The following MINDY2 variants were observed in gnomAD, a reference collection of about 807,000 sequenced individuals.
The protein encoded by MINDY2 is MINDY lysine 48 deubiquitinase 2.
A neutral mutation model predicts 68.2 loss-of-function variants in MINDY2; 52 were observed. That is an observed-to-expected ratio of 0.76 (90% CI 0.61 to 0.96). The LOEUF is 0.96. Among genes scored for constraint, MINDY2 ranks in the 40% least tolerant of loss-of-function variants. The pLI, the probability that MINDY2 is intolerant of heterozygous loss-of-function variation, is 0.00. For synonymous variants in MINDY2, 372 were observed against 303.0 expected (o/e 1.23, Z -2.36); for missense variants, 881 against 773.4 (o/e 1.14, Z -1.65).
At chr15:58,808,813 C>G (rs546509503) in intron 3 of MINDY2, among the ~76,000 whole-genome samples, 2 of 152,258 alleles carry the variant, frequency 1.3e-5, no homozygotes, top group Admixed American at 1.3e-4. Flanking sequence ...ACCCTGTTAG[C>G]CAAGATGGTC....
intron 2 of MINDY2, among the ~76,000 whole-genome samples, chr15:58,793,227 G>C (rs1410829381): frequency 1.3e-5 from 2 of 152,104 alleles, no homozygotes; most frequent in African/African-American, 4.8e-5. Context: ...GAGGTGGGTG[G>C]TTCACTGGAG....
chr15:58,848,207 T>G (rs2032631435), intron 7 of MINDY2, among the ~76,000 whole-genome samples: 1 of 152,058 alleles, frequency 6.6e-6, no homozygotes, highest in African/African-American at 2.4e-5. Context: ...AAAAATATGG[T>G]CATGTTAAAC....
chr15:58,785,135 CAAAAA>C (rs397719705), intron 1 of MINDY2, among the ~76,000 whole-genome samples: 3 of 68,468 alleles, frequency 4.4e-5, no homozygotes, highest in African/African-American at 5.8e-5. Context: ...TGAAGGAAAG[CAAAAA>C]AAAAAAAAAA....
At chr15:58,842,361 G>A (rs1401198303) in intron 6 of MINDY2, among the ~76,000 whole-genome samples, 1 of 152,108 alleles carries the variant, frequency 6.6e-6, no homozygotes, top group Non-Finnish European at 1.5e-5. Context: ...AAGTAGTTTA[G>A]AAGGAGGTAC....
At chr15:58,803,995 G>A (rs1321605438) in intron 3 of MINDY2, among the ~76,000 whole-genome samples, 1 of 150,806 alleles carries the variant, frequency 6.6e-6, no homozygotes, top group Non-Finnish European at 1.5e-5. Flanking sequence ...AGGCGTGGTG[G>A]CAGGCGCCTG....
chr15:58,819,449 A>G (rs2030917630), intron 4 of MINDY2, among the ~76,000 whole-genome samples: 1 of 152,176 alleles, frequency 6.6e-6, no homozygotes, highest in South Asian at 2.1e-4. Flanking sequence ...CCCAGATCAC[A>G]CCACTGCACT....
chr15:58,786,383 T>G (rs1330860190), intron 1 of MINDY2, among the ~76,000 whole-genome samples: 1 of 152,218 alleles, frequency 6.6e-6, no homozygotes, highest in Admixed American at 6.5e-5. Context: ...CAGTATTTAT[T>G]TTTTCTCCTA....
rs1205144441 is a variant in MINDY2, at chr15:58,810,172, C to G, written c.964-58C>G. 22 of 1,432,794 alleles carry G rather than the reference C, an allele frequency of 1.5e-5. No homozygotes were observed. In the African/African-American group the frequency reaches 2.5e-4, roughly 16 times the overall value. 88.8% of individuals were successfully genotyped at this position (1,432,794 alleles called of 1,614,324 possible). On this transcript the variant is annotated intron_variant, in intron 3 of 8. Transcript: ENST00000559228. Reference sequence around the variant, plus strand: ...AGTAAATGTGCTTGTACTTGAATATCTTTTTTGTTCTCGTTTTGATGTTTC... The same window carrying G: ...AGTAAATGTGCTTGTACTTGAATATGTTTTTTGTTCTCGTTTTGATGTTTC...
chr15:58,859,293 C>T lies in MINDY2; in HGVS notation c.*4683C>T, dbSNP rs575737716. 9.6e-4 allele frequency: 146 copies of T among 152,086 alleles called. No individual in the cohort carries two copies. The highest frequency in any genetic ancestry group is 3.4e-3 in the African/African-American group (140 of 41,486). The allele number at this position is 152,086 out of a possible 1,614,324, so 9.4% of individuals were successfully genotyped here. A position where few individuals can be genotyped will look rare whatever the true frequency, so the allele number is the denominator to read the frequency against. ...ATTTAGATTCTCTTTGCCTTTTTCT[C>T]CATGGAATACGGTGGTATCAAATTA... On this transcript the variant is annotated 3_prime_UTR_variant, in exon 9 of 9. Coordinates refer to ENST00000559228, the MANE Select transcript of MINDY2 (RefSeq NM_001040450.3).
At chr15:58,804,524 A>G (rs1445692291) in intron 3 of MINDY2, among the ~76,000 whole-genome samples, 1 of 151,756 alleles carries the variant, frequency 6.6e-6, no homozygotes, top group Non-Finnish European at 1.5e-5. Flanking sequence ...CGTGTTTGCA[A>G]GCACCAGGCG....
Position 58,829,264 on chromosome 15 carries a change from C to T in MINDY2, c.1226-2510C>T, listed in dbSNP as rs71478693. Among the ~76,000 whole-genome samples, 1,354 of 152,232 alleles carry T rather than the reference C, an allele frequency of 8.9e-3. 14 individuals are homozygous for T. The highest frequency in any genetic ancestry group is 0.018 in the East Asian group (94 of 5,186). ...TGTTTAAGAGATGACAGGAGAATTA[C>T]GAAACATTGTTTTTTCTAGTTCTTA... On this transcript the variant is annotated intron_variant, in intron 5 of 8. Transcript: ENST00000559228.
chr15:58,822,882 T>A (rs1431475634), intron 5 of MINDY2, among the ~76,000 whole-genome samples: 1 of 152,156 alleles, frequency 6.6e-6, no homozygotes, highest in Non-Finnish European at 1.5e-5. Flanking sequence ...TTTTAGTCTC[T>A]CTCAGACACA....
At chr15:58,846,844 T>C (rs1414140640) in intron 6 of MINDY2, among the ~76,000 whole-genome samples, 1 of 152,052 alleles carries the variant, frequency 6.6e-6, no homozygotes, top group Non-Finnish European at 1.5e-5. Flanking sequence ...ATTATTGGTG[T>C]ATAAAAGAAG....
chr15:58,791,594 G>A (rs1901925077), intron 2 of MINDY2, among the ~76,000 whole-genome samples: 1 of 150,212 alleles, frequency 6.7e-6, no homozygotes, highest in Non-Finnish European at 1.5e-5. Flanking sequence ...TCTACCCTGG[G>A]CAACAGGGCA....
At chr15:58,774,249 G>A (rs187225355) in intron 1 of MINDY2, among the ~76,000 whole-genome samples, 11 of 152,156 alleles carry the variant, frequency 7.2e-5, no homozygotes, top group Non-Finnish European at 1.5e-4. Flanking sequence ...TCGGGAGGCC[G>A]AGGCGGGTGG....
intron 1 of MINDY2, among the ~76,000 whole-genome samples, chr15:58,787,439 A>T (rs1400422694): frequency 6.6e-6 from 1 of 151,934 alleles, no homozygotes; most frequent in Non-Finnish European, 1.5e-5. Flanking sequence ...AGAATAATAC[A>T]GTAAAGACTG....
intron 4 of MINDY2, among the ~76,000 whole-genome samples, chr15:58,814,579 A>G (rs1347012454): frequency 6.7e-6 from 1 of 150,088 alleles, no homozygotes; most frequent in Non-Finnish European, 1.5e-5. Flanking sequence ...AGATCTCGCC[A>G]TATTGCTCAG....
At chr15:58,797,888 G>C (rs1201924116) in intron 2 of MINDY2, among the ~76,000 whole-genome samples, 1 of 152,162 alleles carries the variant, frequency 6.6e-6, no homozygotes, top group African/African-American at 2.4e-5. Context: ...TACAAAGGAT[G>C]AGATTGGTGC....
intron 4 of MINDY2, among the ~76,000 whole-genome samples, chr15:58,813,931 CTTT>C (rs60131191): frequency 2.7e-4 from 34 of 126,922 alleles, no homozygotes; most frequent in East Asian, 2.3e-4. Flanking sequence ...ACTTGCATTT[CTTT>C]TTTTTTTTTT....
Sources: gnomAD v4.1 joint callset for allele counts (sites outside exome capture counted in the v4.1 genomes callset) on GRCh38, gnomAD v4.1.1 for gene constraint, MANE v1.5 for transcripts, NCBI Gene and HGNC (gene_info 2026-07-23, HGNC 2026-07-21) for gene names.